Variants in PLCH1 observed in about 807,000 individuals in gnomAD.
PLCH1 encodes the protein 1-phosphatidylinositol 4,5-bisphosphate phosphodiesterase eta-1.
Under a neutral mutation model 126.7 loss-of-function variants are expected in PLCH1, and 60 were observed. That is an observed-to-expected ratio of 0.47 (90% CI 0.38 to 0.59). The LOEUF is 0.59. PLCH1 is among the 20% of genes least tolerant of loss of function. The pLI, the probability that PLCH1 is intolerant of heterozygous loss-of-function variation, is 0.00. For synonymous variants in PLCH1, 719 were observed against 734.9 expected, an observed-to-expected ratio of 0.98 and a Z score of 0.35; for missense variants, 1,723 against 2,040.0, an observed-to-expected ratio of 0.84 and a Z score of 2.99.
At chr3:155,580,515 T>C (rs540738777) in intron 6 of PLCH1, among the ~76,000 whole-genome samples, 2 of 152,230 alleles carry the variant, frequency 1.3e-5, no homozygotes, top group East Asian at 3.9e-4. Context: ...GTCAAATAGT[T>C]TTTAGACTAC....
chr3:155,723,953 CAAA>C (rs34436223), intron 1 of PLCH1, among the ~76,000 whole-genome samples: 4 of 80,052 alleles, frequency 5.0e-5, no homozygotes, highest in African/African-American at 4.4e-5. Context: ...AACTCCATCT[CAAA>C]AAAAAAAAAA....
intron 6 of PLCH1, among the ~76,000 whole-genome samples, chr3:155,573,788 G>C (rs1729564082): frequency 6.6e-6 from 1 of 152,138 alleles, no homozygotes; most frequent in South Asian, 2.1e-4. Context: ...TGGAAGGAGT[G>C]GCAAAGGTGC....
chr3:155,475,518 A>T (rs554689056), downstream of PLCH1, among the ~76,000 whole-genome samples: 2 of 152,264 alleles, frequency 1.3e-5, no homozygotes, highest in East Asian at 3.9e-4. Flanking sequence ...CAAAGGATCA[A>T]TAAAACAAAA....
At position 155,523,893 on chromosome 3, in the gene PLCH1, T is replaced by G; in HGVS notation, c.1470+4A>C. 1 of 1,539,640 alleles carries G rather than the reference T, an allele frequency of 6.5e-7. No individual in the cohort carries two copies. The highest frequency in any genetic ancestry group is 1.2e-5 in the South Asian group (1 of 86,408). On this transcript the variant is annotated splice_donor_region_variant and intron_variant, in intron 11 of 22. Coordinates refer to ENST00000460012, the MANE Select transcript of PLCH1 (RefSeq NM_014996.4). The stretch of plus-strand genomic sequence containing the variant: ...TAAAAAATATGGTCATGCCTGCAAC[T>G]TACATAATGGAGCTTGAATTTGCAC...
intron 10 of PLCH1, among the ~76,000 whole-genome samples, chr3:155,524,602 A>G (rs1322932593): frequency 1.3e-5 from 2 of 152,212 alleles, no homozygotes; most frequent in Non-Finnish European, 2.9e-5. Flanking sequence ...AATTAGGGGC[A>G]AAATAAGGGG....
At chr3:155,662,864 A>C (rs552490152) in intron 2 of PLCH1, among the ~76,000 whole-genome samples, 2 of 152,240 alleles carry the variant, frequency 1.3e-5, no homozygotes, top group South Asian at 2.1e-4. Flanking sequence ...GGGTTTCGCC[A>C]TGTTGGCCAG....
At chr3:155,458,459 AAAG>A (rs1304452885) in intron 21 of PLCH1, among the ~76,000 whole-genome samples, 6 of 95,182 alleles carry the variant, frequency 6.3e-5, no homozygotes, top group African/African-American at 3.6e-4. Flanking sequence ...GGAAGGAAAG[AAAG>A]AAAGAAAGAA....
At chr3:155,636,485 C>T (rs942597751) in intron 2 of PLCH1, among the ~76,000 whole-genome samples, 40 of 152,228 alleles carry the variant, frequency 2.6e-4, no homozygotes, top group African/African-American at 8.9e-4. Context: ...CGGTGGCTCT[C>T]GCCTGTAATC....
Position 155,511,895 on chromosome 3 carries a change from A to C in PLCH1, c.1632+2828T>G, listed in dbSNP as rs370130110. Among the ~76,000 whole-genome samples the C allele has an allele frequency of 7.4e-3, 1,132 of 152,142 alleles. 6 individuals carry two copies. Among genetic ancestry groups the C allele is most frequent in the South Asian group, 0.015 (74 of 4,816 alleles). ...TGGGCTCCACCCAGTTCGAGCTTCC[A>C]GGCTGCTTTGTTTACCTAAGCAAGC... On this transcript the variant is annotated intron_variant, in intron 12 of 22. Coordinates refer to ENST00000460012, the MANE Select transcript of PLCH1 (RefSeq NM_014996.4).
chr3:155,556,636 A>C (rs1726854054), intron 8 of PLCH1, among the ~76,000 whole-genome samples: 1 of 152,216 alleles, frequency 6.6e-6, no homozygotes, highest in South Asian at 2.1e-4. Context: ...TAACATTTAA[A>C]TCAGTAGGCT....
chr3:155,596,248 C>G lies in PLCH1; in HGVS notation c.210G>C (p.Lys70Asn). The G allele has an allele frequency of 1.9e-6, 3 of 1,613,348 alleles. No homozygotes were observed. Among genetic ancestry groups the G allele is most frequent in the Non-Finnish European group, 2.5e-6 (3 of 1,179,506 alleles). The change falls in exon 3 of 23, where the codon AAG (lysine) becomes AAC (asparagine). Residue 70 changes from lysine to asparagine, a missense_variant. Transcript: ENST00000460012. ...TTGTTTTACTTTTTGCCTTCTCACT[C>G]TTCCTAGAGGGTCGCCATCGGAGGC... Reference protein sequence around the residue: ...RTRLRWRPSRKSEKAKILIDS... With the variant: ...RTRLRWRPSRNSEKAKILIDS...
intron 7 of PLCH1, 94 bp from the exon 8 acceptor site, chr3:155,565,212 T>C (rs1332520818): frequency 1.3e-6 from 1 of 750,322 alleles, no homozygotes; most frequent in Non-Finnish European, 2.3e-6. Context: ...ATGTTCATAA[T>C]GATTATCTTA....
chr3:155,692,897 C>T (rs534812517), intron 2 of PLCH1, among the ~76,000 whole-genome samples: 1 of 152,084 alleles, frequency 6.6e-6, no homozygotes, highest in East Asian at 2.0e-4. Flanking sequence ...TAGCTGGGAT[C>T]TCCTGCCTCA....
At chr3:155,487,075 CGCCCTT>C (rs1189368927) in intron 21 of PLCH1, 7 of 152,138 alleles carry the variant, frequency 4.6e-5, no homozygotes, top group Admixed American at 1.3e-4. Context: ...CCCACCTCCA[CGCCCTT>C]GCTGACAGAT....
chr3:155,472,103 C>A (rs1382330767), intron 21 of PLCH1, among the ~76,000 whole-genome samples: 1 of 151,998 alleles, frequency 6.6e-6, no homozygotes, highest in Admixed American at 6.6e-5. Context: ...GAAATAGAGA[C>A]ACAAAAAACC....
chr3:155,552,565 C>T (rs756726221), intron 9 of PLCH1, among the ~76,000 whole-genome samples: 14 of 152,016 alleles, frequency 9.2e-5, no homozygotes, highest in Admixed American at 2.6e-4. Flanking sequence ...GAACAGCATA[C>T]GTAAGAGTGG....
chr3:155,566,219 G>A (rs191470875), intron 7 of PLCH1, among the ~76,000 whole-genome samples: 6,655 of 54,834 alleles, frequency 0.12, 1,605 homozygotes, highest in Middle Eastern at 0.2. Flanking sequence ...ACATATATAC[G>A]TATATATACA....
intron 8 of PLCH1, among the ~76,000 whole-genome samples, chr3:155,555,528 A>G (rs1394715885): frequency 1.3e-5 from 2 of 152,224 alleles, no homozygotes; most frequent in Admixed American, 1.3e-4. Flanking sequence ...TCAAGAAATA[A>G]ACTTCAGTTG....
intron 8 of PLCH1, among the ~76,000 whole-genome samples, chr3:155,559,366 CT>C (rs1179637828): frequency 1.3e-5 from 2 of 152,046 alleles, no homozygotes; most frequent in African/African-American, 2.4e-5. Context: ...ATAGTAGGTC[CT>C]CTTTTCCTTC....
Sources: allele counts gnomAD v4.1 joint callset (sites outside exome capture counted in the v4.1 genomes callset), GRCh38; gene constraint gnomAD v4.1.1; transcripts MANE v1.5; gene names NCBI Gene and HGNC (gene_info 2026-07-23, HGNC 2026-07-21).